ANOS1: variants seen among roughly 807,000 people sequenced by gnomAD.
ANOS1 encodes the protein anosmin-1.
A neutral mutation model predicts 59.0 loss-of-function variants in ANOS1; 6 were observed. The ratio of observed to expected loss-of-function variants is 0.10; its 90% CI spans 0.06 to 0.20. The LOEUF (loss-of-function observed/expected upper bound fraction) is 0.20. Ranked by LOEUF, ANOS1 falls within the 10% of genes least tolerant of loss-of-function variation. ANOS1 has a pLI of 1.00. For missense variants in ANOS1, 433 were observed against 542.3 expected (o/e 0.80, Z 2.00); for synonymous variants, 217 against 223.4 (o/e 0.97, Z 0.25).
At chrX:8,694,767 C>T (rs759256244) in intron 2 of ANOS1, among the ~76,000 whole-genome samples, 6 of 112,244 alleles carry the variant, frequency 5.3e-5, no homozygotes, top group South Asian at 3.7e-4. Context: ...GTATGTTTTA[C>T]ATTACTATAG....
intron 11 of ANOS1, among the ~76,000 whole-genome samples, chrX:8,536,205 TTTTTTTTTTTTA>T (rs1347687906): frequency 2.3e-4 from 18 of 77,326 alleles, no homozygotes; most frequent in Non-Finnish European, 3.4e-4. Context: ...TTTTTTTTTT[TTTTTTTTTTTTA>T]AAAGGTGAGA....
At chrX:8,656,386 G>T (rs1161072801) in intron 2 of ANOS1, among the ~76,000 whole-genome samples, 1 of 111,293 alleles carries the variant, frequency 9.0e-6, no homozygotes, top group Non-Finnish European at 1.9e-5. Context: ...AATACCATGG[G>T]GACAAAAACA....
intron 2 of ANOS1, among the ~76,000 whole-genome samples, chrX:8,666,245 T>G (rs925928955): frequency 1.8e-5 from 2 of 111,401 alleles, no homozygotes; most frequent in African/African-American, 6.5e-5. Flanking sequence ...TCCCAAATTT[T>G]AACCTTATTA....
chrX:8,554,417 C>T (rs1245535605), intron 8 of ANOS1, among the ~76,000 whole-genome samples: 1 of 111,130 alleles, frequency 9.0e-6, no homozygotes, highest in East Asian at 2.8e-4. Context: ...GATAACTACG[C>T]TTTTCCCACT....
intron 1 of ANOS1, among the ~76,000 whole-genome samples, chrX:8,703,050 G>A (rs1357066804): frequency 1.8e-5 from 2 of 112,069 alleles, no homozygotes; most frequent in Admixed American, 9.5e-5. Flanking sequence ...TGAGATCAGG[G>A]GACCCTCAGC....
At chrX:8,587,284 A>C (rs1930534812) in intron 5 of ANOS1, among the ~76,000 whole-genome samples, 1 of 111,745 alleles carries the variant, frequency 8.9e-6, no homozygotes, top group South Asian at 3.8e-4. Flanking sequence ...GTTGACTAAG[A>C]CAAAGAAGAA....
intron 9 of ANOS1, among the ~76,000 whole-genome samples, chrX:8,553,034 G>A (rs1012866972): frequency 8.2e-5 from 9 of 110,045 alleles, no homozygotes; most frequent in Non-Finnish European, 1.7e-4. Flanking sequence ...TCAATACCTT[G>A]AGTAAAAGTG....
chrX:8,673,994 T>C (rs1248312667), intron 2 of ANOS1, among the ~76,000 whole-genome samples: 1 of 111,451 alleles, frequency 9.0e-6, no homozygotes, highest in Non-Finnish European at 1.9e-5. Context: ...TGTCTCTCTC[T>C]ACCCAAGGTG....
In ANOS1 at chrX:8,648,458, C is replaced by CAAAAA. The variant is rs765958124; in HGVS notation, c.256-24793_256-24789dup. Among the ~76,000 whole-genome samples, 7 of 48,635 alleles carry CAAAAA rather than the reference C, an allele frequency of 1.4e-4. 1 individual carries two copies. Among genetic ancestry groups the CAAAAA allele is most frequent in the African/African-American group, 3.5e-4 (6 of 17,359 alleles). 42.2% of individuals were successfully genotyped at this position (48,635 alleles called of 115,157 possible). On this transcript the variant is annotated intron_variant, in intron 2 of 13. Transcript: ENST00000262648. ...CCTGGGGGACAAGGCAAAATTCCGT[C>CAAAAA]AAAAAAAAAAAAAAAAAAGAACAAT...
chrX:8,684,298 C>A (rs759641932), intron 2 of ANOS1, among the ~76,000 whole-genome samples: 2 of 111,577 alleles, frequency 1.8e-5, no homozygotes, highest in South Asian at 3.8e-4. Context: ...GGTGCTGCTT[C>A]ATCCAAGAGG....
chrX:8,652,522 C>T (rs1455559481), intron 2 of ANOS1, among the ~76,000 whole-genome samples: 1 of 111,840 alleles, frequency 8.9e-6, no homozygotes, highest in Non-Finnish European at 1.9e-5. Flanking sequence ...TGATCAATTC[C>T]TACAATGCAA....
At chrX:8,672,165 T>TAC (rs111374928) in intron 2 of ANOS1, among the ~76,000 whole-genome samples, 2,572 of 102,420 alleles carry the variant, frequency 0.025, 38 homozygotes, top group African/African-American at 0.056. Flanking sequence ...CACATGCACA[T>TAC]ACACACACAC....
intron 6 of ANOS1, among the ~76,000 whole-genome samples, chrX:8,575,942 G>GA (rs891463459): frequency 4.6e-5 from 5 of 109,712 alleles, no homozygotes; most frequent in South Asian, 3.9e-4. Context: ...TGTCTCTACA[G>GA]AAAAAAAAAT....
At chrX:8,592,397 C>T (rs748766870) in intron 4 of ANOS1, among the ~76,000 whole-genome samples, 8 of 111,956 alleles carry the variant, frequency 7.1e-5, no homozygotes, top group Admixed American at 1.9e-4. Flanking sequence ...ACTCTATGAT[C>T]GGGTCTTTTT....
At chrX:8,727,675 G>C (rs1193217837) in intron 1 of ANOS1, among the ~76,000 whole-genome samples, 1 of 112,197 alleles carries the variant, frequency 8.9e-6, no homozygotes, top group Admixed American at 9.4e-5. Context: ...CCAGCATCAT[G>C]CCTGAGCACA....
At chrX:8,537,608 T>C (rs1218672149) in intron 10 of ANOS1, among the ~76,000 whole-genome samples, 16 of 111,119 alleles carry the variant, frequency 1.4e-4, no homozygotes, top group East Asian at 2.8e-4. Flanking sequence ...TTAATGTATA[T>C]GTATAAAAGT....
chrX:8,696,587 T>C (rs1421567891), intron 2 of ANOS1, among the ~76,000 whole-genome samples: 1 of 112,837 alleles, frequency 8.9e-6, no homozygotes, highest in East Asian at 2.8e-4. Flanking sequence ...ACATTTATTT[T>C]CTTTCATAAA....
At chrX:8,591,596 T>TA (rs1220556994) in intron 4 of ANOS1, among the ~76,000 whole-genome samples, 3 of 112,163 alleles carry the variant, frequency 2.7e-5, no homozygotes, top group Non-Finnish European at 5.6e-5. Context: ...TTTCTTCATT[T>TA]AAAAATCTCT....
Position 8,628,398 on chromosome X carries a change from C to G in ANOS1, c.256-4728G>C, listed in dbSNP as rs7059421. Among the ~76,000 whole-genome samples the G allele has an allele frequency of 6.1e-3, 684 of 111,909 alleles. 8 individuals are homozygous for G. Among genetic ancestry groups the G allele is most frequent in the African/African-American group, 0.021 (637 of 30,853 alleles). On this transcript the variant is annotated intron_variant, in intron 2 of 13. Coordinates refer to ENST00000262648, the MANE Select transcript of ANOS1 (RefSeq NM_000216.4). ...TTGCTCTGCCTATGGCACAGCCACCCTTTTATTCCTTTACTTTCTTAATAA... is the reference window on the plus strand; with the variant it reads ...TTGCTCTGCCTATGGCACAGCCACCGTTTTATTCCTTTACTTTCTTAATAA...
Sources: gnomAD v4.1 joint callset for allele counts (sites outside exome capture counted in the v4.1 genomes callset) on GRCh38, gnomAD v4.1.1 for gene constraint, MANE v1.5 for transcripts, NCBI Gene and HGNC (gene_info 2026-07-23, HGNC 2026-07-21) for gene names.